Variants in MYLK4 observed in about 807,000 individuals in gnomAD.
MYLK4 encodes myosin light chain kinase family member 4.
A neutral mutation model predicts 48.1 loss-of-function variants in MYLK4; 46 were observed. That is an observed-to-expected ratio of 0.96 (90% CI 0.75 to 1.22). MYLK4 has a LOEUF of 1.22. Ranked by LOEUF, MYLK4 falls within the 50% of genes most tolerant of loss-of-function variation. The pLI is 0.00. For synonymous variants in MYLK4, 170 were observed against 180.8 expected (o/e 0.94, Z 0.48); for missense variants, 451 against 486.1 (o/e 0.93, Z 0.68).
At chr6:2,766,431 C>G in the MYLK4 span, 1 of 1,564,268 alleles carries the variant, frequency 6.4e-7, no homozygotes, top group South Asian at 1.2e-5. Flanking sequence ...TGGGGGCCGC[C>G]GGGCTGCGGC....
chr6:2,765,655 C>A, the MYLK4 span: 1 of 1,546,746 alleles, frequency 6.5e-7, no homozygotes, highest in South Asian at 1.1e-5. Context: ...ACGACCCCTT[C>A]CTTTCGCAGC....
intron 2 of MYLK4, among the ~76,000 whole-genome samples, chr6:2,705,632 T>G (rs1762460600): frequency 2.0e-5 from 3 of 152,214 alleles, no homozygotes; most frequent in Non-Finnish European, 4.4e-5. Flanking sequence ...AAAGCAGCAC[T>G]TTTTGTTGTT....
rs183877035 is a variant in MYLK4 at position 2,666,153 on chromosome 6, C to T, written c.*1772G>A. ...GTATTTCCTTCTATCTCTACTTCCT[C>T]CTTACCTTAAAGATGAGAATAAGGA... On this transcript the variant is annotated 3_prime_UTR_variant, in exon 13 of 13. Transcript: ENST00000274643. 5.3e-5 allele frequency: 8 copies of T among 152,310 alleles called. No homozygotes were observed. The highest frequency in any genetic ancestry group is 1.0e-4 in the Non-Finnish European group (7 of 68,034). 9.4% of individuals were successfully genotyped at this position (152,310 alleles called of 1,614,324 possible).
At chr6:2,762,493 C>CA in the MYLK4 span, among the ~76,000 whole-genome samples, 1 of 152,160 alleles carries the variant, frequency 6.6e-6, no homozygotes, top group Non-Finnish European at 1.5e-5. Context: ...GTTAATTGAT[C>CA]ATGTGGCCAC....
upstream of MYLK4, chr6:2,750,934 C>G (rs6596912): frequency 0.98 from 149,243 of 152,768 alleles, 73,013 homozygotes; most frequent in East Asian, 1. Context: ...ATGCCACTTT[C>G]AGCCCCTGTT....
chr6:2,735,049 A>T (rs1296373916), intron 2 of MYLK4, among the ~76,000 whole-genome samples: 1 of 152,236 alleles, frequency 6.6e-6, no homozygotes, highest in Non-Finnish European at 1.5e-5. Context: ...TATGTAAAAC[A>T]AACAAAACTA....
rs145559661 is a variant in MYLK4 at position 2,696,343 on chromosome 6, C to T, written c.160-3484G>A. Among the ~76,000 whole-genome samples the T allele has an allele frequency of 3.3e-3, 502 of 152,282 alleles. 4 individuals are homozygous for T. The highest frequency in any genetic ancestry group is 0.012 in the African/African-American group (484 of 41,558). On this transcript the variant is annotated intron_variant, in intron 2 of 12. Transcript: ENST00000274643. ...TATGGATTGAATGTATCCCCCCCGA[C>T]GATATACGCACACAAATTCATATAT...
chr6:2,671,394 T>C (rs755188776), intron 11 of MYLK4, 46 bp from the exon 12 acceptor site: 1 of 1,569,266 alleles, frequency 6.4e-7, no homozygotes, highest in Non-Finnish European at 8.8e-7. Context: ...ACTGTTTCCT[T>C]CAGGTCCTGA....
chr6:2,761,567 CTAAA>C, the MYLK4 span, among the ~76,000 whole-genome samples: 3 of 152,162 alleles, frequency 2.0e-5, no homozygotes, highest in Non-Finnish European at 2.9e-5. Flanking sequence ...AGGCACTTTA[CTAAA>C]TACTTTCACA....
At chr6:2,699,359 T>G (rs1350789908) in intron 2 of MYLK4, among the ~76,000 whole-genome samples, 1 of 140,156 alleles carries the variant, frequency 7.1e-6, no homozygotes, top group African/African-American at 2.7e-5. Context: ...TGGCGCAATC[T>G]CGGTTCCCTG....
intron 2 of MYLK4, among the ~76,000 whole-genome samples, chr6:2,742,172 T>G (rs1187016461): frequency 6.6e-6 from 1 of 152,226 alleles, no homozygotes; most frequent in East Asian, 1.9e-4. Flanking sequence ...ATTCCAAGAT[T>G]GGGCAATTCC....
the MYLK4 span, chr6:2,766,462 C>A: frequency 2.7e-6 from 4 of 1,496,334 alleles, no homozygotes; most frequent in Non-Finnish European, 1.8e-6. Flanking sequence ...CGGCCTTGGC[C>A]GTTGGGCTTC....
intron 9 of MYLK4, 149 bp downstream of exon 9, chr6:2,679,131 G>T: frequency 1.2e-6 from 1 of 854,682 alleles, no homozygotes; most frequent in Middle Eastern, 3.4e-4. Context: ...TCACCCACAG[G>T]AGTCAACAAA....
chr6:2,765,029 C>T, the MYLK4 span, among the ~76,000 whole-genome samples: 2 of 152,294 alleles, frequency 1.3e-5, no homozygotes, highest in African/African-American at 4.8e-5. Context: ...ATTCAACAGC[C>T]CAGCACGGAA....
Position 2,683,391 on chromosome 6 carries a change from TTGTGTGTGTG to T in MYLK4, c.546-239_546-230del, listed in dbSNP as rs67359849. Among the ~76,000 whole-genome samples, 716 of 126,660 alleles carry T rather than the reference TTGTGTGTGTG, an allele frequency of 5.7e-3. 15 individuals carry two copies. Among genetic ancestry groups the T allele is most frequent in the African/African-American group, 0.019 (658 of 35,102 alleles). 83.1% of individuals were successfully genotyped at this position (126,660 alleles called of 152,430 possible). ...ATCCTCAAGCCAACTCCCCACCTTT[TTGTGTGTGTG>T]TGTGTGTGTGTGTGTGTGTGTGTGT... On this transcript the variant is annotated intron_variant, in intron 6 of 12. Coordinates refer to ENST00000274643, the MANE Select transcript of MYLK4 (RefSeq NM_001012418.5).
At chr6:2,763,325 G>A in the MYLK4 span, among the ~76,000 whole-genome samples, 5 of 152,252 alleles carry the variant, frequency 3.3e-5, no homozygotes, top group Non-Finnish European at 5.9e-5. Context: ...CTAGTCCCAC[G>A]TAATGAGCCT....
intron 2 of MYLK4, among the ~76,000 whole-genome samples, chr6:2,723,719 T>C (rs188942950): frequency 6.6e-6 from 1 of 152,302 alleles, no homozygotes; most frequent in Admixed American, 6.5e-5. Flanking sequence ...CCTCCAGTCA[T>C]CTCTGGCTAA....
At chr6:2,694,487 G>A (rs369397505) in intron 2 of MYLK4, among the ~76,000 whole-genome samples, 2 of 87,018 alleles carry the variant, frequency 2.3e-5, no homozygotes, top group East Asian at 3.6e-4. Context: ...TGATGGTAGT[G>A]GTCATGGTGG....
In MYLK4 at chr6:2,727,399, C is replaced by T. The variant is rs77404548; in HGVS notation, c.159+21737G>A. On this transcript the variant is annotated intron_variant, in intron 2 of 12. Coordinates refer to ENST00000274643, the MANE Select transcript of MYLK4 (RefSeq NM_001012418.5). ...GAAAGAGCTGCCCAGAGCTAGAGGC[C>T]GAGGCACTGAAAAACTCTGCCTTCT... is the stretch of plus-strand genomic sequence containing the variant. 1.2e-3 allele frequency among the ~76,000 whole-genome samples: 186 copies of T among 152,236 alleles called. 1 individual carries two copies. The East Asian group carries it at 0.026, about 21-fold the overall frequency.
Sources: gnomAD v4.1 joint callset for allele counts (sites outside exome capture counted in the v4.1 genomes callset) on GRCh38, gnomAD v4.1.1 for gene constraint, MANE v1.5 for transcripts, NCBI Gene and HGNC (gene_info 2026-07-23, HGNC 2026-07-21) for gene names.